MTMR10: variants seen among roughly 807,000 people sequenced by gnomAD.
MTMR10 encodes myotubularin related protein 10, also known as myotubularin-related protein 10.
A neutral mutation model predicts 88.1 loss-of-function variants in MTMR10; 56 were observed. The ratio of observed to expected loss-of-function variants is 0.64; its 90% CI spans 0.51 to 0.79. The LOEUF (loss-of-function observed/expected upper bound fraction) is 0.79, where lower values mean the gene tolerates loss of function less well. MTMR10 is among the 30% of genes least tolerant of loss of function. The pLI, the probability that MTMR10 is intolerant of heterozygous loss-of-function variation, is 0.00. For synonymous variants in MTMR10, 380 were observed against 340.9 expected (o/e 1.11, Z -1.26); for missense variants, 883 against 924.7 (o/e 0.95, Z 0.58).
At chr15:30,982,373 G>C (rs570049699) in intron 2 of MTMR10, among the ~76,000 whole-genome samples, 1 of 152,252 alleles carries the variant, frequency 6.6e-6, no homozygotes, top group South Asian at 2.1e-4. Context: ...GAAGCTGGCT[G>C]AAGAGTTCAC....
the MTMR10 span, among the ~76,000 whole-genome samples, chr15:30,924,281 G>A: frequency 1.3e-5 from 2 of 152,040 alleles, no homozygotes; most frequent in African/African-American, 2.4e-5. Context: ...CCACCTTTTC[G>A]GCCATTTTGA....
At chr15:30,942,244 C>T (rs2063079056) in intron 15 of MTMR10, 172 bp from the exon 16 acceptor site, 2 of 838,426 alleles carry the variant, frequency 2.4e-6, no homozygotes, top group African/African-American at 1.7e-5. Flanking sequence ...CCTGGAATTA[C>T]ACTTTTTTAT....
At chr15:30,942,252 T>TA (rs1236525787) in intron 15 of MTMR10, 180 bp from the exon 16 acceptor site, 5 of 778,588 alleles carry the variant, frequency 6.4e-6, no homozygotes, top group Middle Eastern at 3.8e-4. Flanking sequence ...TACACTTTTT[T>TA]ATGTGTTGAC....
intron 2 of MTMR10, among the ~76,000 whole-genome samples, chr15:30,980,517 T>C (rs1040254382): frequency 6.6e-6 from 1 of 152,254 alleles, no homozygotes; most frequent in East Asian, 1.9e-4. Flanking sequence ...GGTTGGTACA[T>C]GTGTGTATGT....
intron 5 of MTMR10, among the ~76,000 whole-genome samples, chr15:30,972,401 C>A (rs1483738588): frequency 2.0e-5 from 3 of 152,078 alleles, no homozygotes; most frequent in Non-Finnish European, 4.4e-5. Flanking sequence ...CCTGCAACCC[C>A]CGTGGCTATA....
chr15:30,975,222 A>C (rs1056856263), intron 3 of MTMR10, among the ~76,000 whole-genome samples: 1 of 152,152 alleles, frequency 6.6e-6, no homozygotes, highest in Non-Finnish European at 1.5e-5. Flanking sequence ...GAATATCATC[A>C]ATCACCTTAC....
chr15:30,971,950 C>A (rs1458764653), intron 5 of MTMR10, among the ~76,000 whole-genome samples: 1 of 152,084 alleles, frequency 6.6e-6, no homozygotes, highest in African/African-American at 2.4e-5. Flanking sequence ...TGAAACAACA[C>A]CAACAAGACA....
In MTMR10 at chr15:30,961,534, C is replaced by T. The variant is rs187366061; in HGVS notation, c.566-461G>A. 2.5e-3 allele frequency among the ~76,000 whole-genome samples: 380 copies of T among 152,316 alleles called. 2 individuals carry two copies. The highest frequency in any genetic ancestry group is 8.6e-3 in the African/African-American group (358 of 41,572). On this transcript the variant is annotated intron_variant, in intron 6 of 15. Transcript: ENST00000435680. Reference sequence around the variant, plus strand: ...GGGATTACAGGCATGAGCCACCACGCCTGGCCTAAAAATAACTCATTTAGT... The same window carrying T: ...GGGATTACAGGCATGAGCCACCACGTCTGGCCTAAAAATAACTCATTTAGT...
chr15:30,958,971 C>CT lies in MTMR10; in HGVS notation c.847-21dup. 2 of 1,613,860 alleles carry CT rather than the reference C, an allele frequency of 1.2e-6. No homozygotes were observed. The highest frequency in any genetic ancestry group is 1.7e-6 in the Non-Finnish European group (2 of 1,179,774). Reference sequence around the variant, plus strand: ...CCAGAGCTAGGGGAGAGGTAGAATCCTTACTTCACTGTGTAGAAACAATGG... The same window carrying CT: ...CCAGAGCTAGGGGAGAGGTAGAATCCTTTACTTCACTGTGTAGAAACAATGG... On this transcript the variant is annotated intron_variant, in intron 8 of 15. Coordinates refer to ENST00000435680, the MANE Select transcript of MTMR10 (RefSeq NM_017762.3).
Position 30,990,807 on chromosome 15 carries a change from T to A in MTMR10, c.91A>T (p.Ile31Phe). 1 of 1,609,498 alleles carries A rather than the reference T, an allele frequency of 6.2e-7. No homozygotes were observed. Among genetic ancestry groups the A allele is most frequent in the Non-Finnish European group, 8.5e-7 (1 of 1,177,790 alleles). The stretch of plus-strand genomic sequence containing the variant: ...AAAAGGACTGGCTCCAGTTTTTTAA[T>A]CTTCGGTTCCGAATTGATCTTATCG... ...TDDKINSEPK[I>F]KKLEPVLLPG... is the part of the protein sequence containing the mutation. The change falls in exon 2 of 16, where the codon ATT (isoleucine) becomes TTT (phenylalanine). Residue 31 changes from isoleucine to phenylalanine, a missense_variant. By Grantham distance (21) the Ile-to-Phe change is conservative. Around this residue, in one of 3 missense-constraint regions of MTMR10, gnomAD observed 414 missense variants for 423.2 expected, o/e 0.98. Transcript: ENST00000435680.
rs2062950380 is a variant in MTMR10, at chr15:30,939,021, C to CT, written c.*2448dup. 1 of 985,336 alleles carries CT rather than the reference C, an allele frequency of 1.0e-6. No homozygotes were observed. Among genetic ancestry groups the CT allele is most frequent in the African/African-American group, 1.7e-5 (1 of 57,376 alleles). 61.0% of individuals were successfully genotyped at this position (985,336 alleles called of 1,614,324 possible). A position where few individuals can be genotyped will look rare whatever the true frequency, so the allele number is the denominator to read the frequency against. ...GTTGAACAACAAGATAACACATCTT[C>CT]TTGCTCATCCCACTTGAACTCAAGT... On this transcript the variant is annotated 3_prime_UTR_variant, in exon 16 of 16. Coordinates refer to ENST00000435680, the MANE Select transcript of MTMR10 (RefSeq NM_017762.3).
intron 10 of MTMR10, among the ~76,000 whole-genome samples, chr15:30,954,404 T>G (rs547540349): frequency 6.6e-6 from 1 of 152,356 alleles, no homozygotes; most frequent in Non-Finnish European, 1.5e-5. Flanking sequence ...TTGATACCCA[T>G]GTCAAGTCAC....
intron 6 of MTMR10, chr15:30,966,173 G>T: frequency 3.0e-6 from 1 of 334,246 alleles, no homozygotes; most frequent in Non-Finnish European, 6.1e-6. Context: ...AAGCATCCCT[G>T]AATATTTTCA....
Position 30,961,429 on chromosome 15 carries a change from C to T in MTMR10, c.566-356G>A, listed in dbSNP as rs139491171. ...CTAATTTTTGTATTTTTAATAGAGA[C>T]AGGGTTTCACCATGTTGGCTAGGCT... On this transcript the variant is annotated intron_variant, in intron 6 of 15. Coordinates refer to ENST00000435680, the MANE Select transcript of MTMR10 (RefSeq NM_017762.3). 2.2e-3 allele frequency among the ~76,000 whole-genome samples: 341 copies of T among 152,190 alleles called. 2 individuals are homozygous for T. The highest frequency in any genetic ancestry group is 7.8e-3 in the African/African-American group (325 of 41,544).
At chr15:30,962,364 C>T (rs1315786020) in intron 6 of MTMR10, among the ~76,000 whole-genome samples, 1 of 152,214 alleles carries the variant, frequency 6.6e-6, no homozygotes, top group Non-Finnish European at 1.5e-5. Context: ...TGTGGCAAGT[C>T]TCCCAGCTGG....
chr15:30,967,742 T>C (rs976885836), intron 6 of MTMR10, among the ~76,000 whole-genome samples, 178 bp downstream of exon 6: 8 of 152,178 alleles, frequency 5.3e-5, no homozygotes, highest in Admixed American at 1.3e-4. Context: ...TGGTAACTTG[T>C]CAAGAAATAA....
chr15:30,938,379 A>T (rs143125385), downstream of MTMR10, among the ~76,000 whole-genome samples: 1 of 152,148 alleles, frequency 6.6e-6, no homozygotes. Context: ...ATTCTCATGA[A>T]GTTGTGTTGA....
At chr15:30,968,069 C>T in intron 5 of MTMR10, 59 bp from the exon 6 acceptor site, 1 of 1,260,950 alleles carries the variant, frequency 7.9e-7, no homozygotes, top group Non-Finnish European at 1.1e-6. Flanking sequence ...ATGAAATGTA[C>T]AATAAGGCCT....
chr15:30,991,415 G>A, intron 1 of MTMR10, 32 bp downstream of exon 1: 1 of 1,463,108 alleles, frequency 6.8e-7, no homozygotes, highest in Non-Finnish European at 9.0e-7. Flanking sequence ...GCGCAGAGGA[G>A]AGTCGGGCGC....
Sources: allele counts gnomAD v4.1 joint callset (sites outside exome capture counted in the v4.1 genomes callset), GRCh38; gene constraint gnomAD v4.1.1; regional missense constraint gnomAD v4.1.1; transcripts MANE v1.5; gene names NCBI Gene and HGNC (gene_info 2026-07-23, HGNC 2026-07-21).